Variants in ZNF804A observed in about 807,000 individuals in gnomAD.
ZNF804A encodes the protein zinc finger protein 804A.
Under a neutral mutation model 16.5 loss-of-function variants are expected in ZNF804A, and 2 were observed. That is an observed-to-expected ratio of 0.12 (90% confidence interval 0.05 to 0.38). The LOEUF is 0.38. Among genes scored for constraint, ZNF804A ranks in the 10% least tolerant of loss-of-function variants. The pLI, the probability that ZNF804A is intolerant of heterozygous loss-of-function variation, is 0.99. For synonymous variants in ZNF804A, 534 were observed against 489.6 expected (o/e 1.09, Z -1.20); for missense variants, 1,473 against 1,390.7 (o/e 1.06, Z -0.94).
At chr2:184,772,319 T>C (rs931012488) in intron 1 of ZNF804A, among the ~76,000 whole-genome samples, 18 of 151,690 alleles carry the variant, frequency 1.2e-4, no homozygotes, top group African/African-American at 3.9e-4. Flanking sequence ...TCCAGCCTTA[T>C]GCAACAAATG....
chr2:184,936,761 T>C lies in ZNF804A; in HGVS notation c.1365T>C (p.Tyr455=), dbSNP rs766108855. The stretch of plus-strand genomic sequence containing the variant: ...CAACTACGAAACCATCAATTTCCTA[T>C]AGCTGTAATCCTCTATGTTTTGACT... ...VYTTTKPSIS[Y]SCNPLCFDFK... is the part of the protein sequence containing the mutation. Residue 455 remains tyrosine, a synonymous_variant, in exon 4 of 4, where the codon TAT becomes TAC. Transcript: ENST00000302277. 1.9e-6 allele frequency: 3 copies of C among 1,613,766 alleles called. No homozygotes were observed. The highest frequency in any genetic ancestry group is 2.5e-6 in the Non-Finnish European group (3 of 1,179,904).
chr2:184,677,464 T>C (rs987805596), intron 1 of ZNF804A, among the ~76,000 whole-genome samples: 3 of 151,956 alleles, frequency 2.0e-5, no homozygotes, highest in African/African-American at 7.2e-5. Context: ...TCATCTGAGA[T>C]AGAACAGATC....
At chr2:184,639,325 C>T (rs1004577936) in intron 1 of ZNF804A, among the ~76,000 whole-genome samples, 11 of 151,944 alleles carry the variant, frequency 7.2e-5, no homozygotes, top group Non-Finnish European at 1.0e-4. Context: ...CCACCCGCCT[C>T]GGCCTCCCAA....
At chr2:184,851,084 T>C (rs1351669514) in intron 1 of ZNF804A, among the ~76,000 whole-genome samples, 1 of 151,852 alleles carries the variant, frequency 6.6e-6, no homozygotes, top group Non-Finnish European at 1.5e-5. Flanking sequence ...CTTTTATGTA[T>C]TTACCATGAA....
intron 1 of ZNF804A, among the ~76,000 whole-genome samples, chr2:184,839,868 T>C (rs2076113959): frequency 6.6e-6 from 1 of 152,140 alleles, no homozygotes; most frequent in Non-Finnish European, 1.5e-5. Context: ...ATAAATCTCT[T>C]TTAAAGGTGG....
rs188478557 is a variant in ZNF804A at position 184,910,920 on chromosome 2, C to A, written c.256-22683C>A. On this transcript the variant is annotated intron_variant, in intron 2 of 3. Coordinates refer to ENST00000302277, the MANE Select transcript of ZNF804A (RefSeq NM_194250.2). ...TTTGTAAATATTTTCTCCCATTCTG[C>A]AGGTTCTCTGCTTACTTTTGTTGAT... 2.6e-3 allele frequency among the ~76,000 whole-genome samples: 395 copies of A among 152,070 alleles called. 3 individuals carry two copies. Among genetic ancestry groups the A allele is most frequent in the Non-Finnish European group, 4.3e-3 (294 of 67,882 alleles).
chr2:184,676,014 T>C (rs552013945), intron 1 of ZNF804A, among the ~76,000 whole-genome samples: 2 of 151,862 alleles, frequency 1.3e-5, no homozygotes, highest in South Asian at 4.1e-4. Flanking sequence ...AGAGGGATAA[T>C]ATGTATATTT....
At chr2:184,880,802 G>A (rs1290137679) in intron 2 of ZNF804A, among the ~76,000 whole-genome samples, 3 of 152,088 alleles carry the variant, frequency 2.0e-5, no homozygotes, top group Non-Finnish European at 4.4e-5. Context: ...GACAGAGCAA[G>A]AGGGTGCCCA....
At chr2:184,868,436 G>A (rs1695914395) in intron 2 of ZNF804A, among the ~76,000 whole-genome samples, 1 of 151,936 alleles carries the variant, frequency 6.6e-6, no homozygotes, top group Admixed American at 6.6e-5. Flanking sequence ...TGAAGTAGAG[G>A]GGGAAACAGA....
At chr2:184,824,138 T>C (rs1256406451) in intron 1 of ZNF804A, among the ~76,000 whole-genome samples, 1 of 152,134 alleles carries the variant, frequency 6.6e-6, no homozygotes, top group Admixed American at 6.6e-5. Flanking sequence ...AAACTTCTAG[T>C]AGCCTATAAC....
chr2:184,635,740 T>G (rs896637797), intron 1 of ZNF804A, among the ~76,000 whole-genome samples: 1 of 152,110 alleles, frequency 6.6e-6, no homozygotes, highest in South Asian at 2.1e-4. Flanking sequence ...CACATCGTGA[T>G]TAGGGTGTCA....
At chr2:184,777,506 T>A (rs756973129) in intron 1 of ZNF804A, among the ~76,000 whole-genome samples, 1 of 151,702 alleles carries the variant, frequency 6.6e-6, no homozygotes, top group East Asian at 1.9e-4. Flanking sequence ...CCTTCACTTC[T>A]ATCTTTACCT....
At chr2:184,725,932 A>C (rs1286544861) in intron 1 of ZNF804A, among the ~76,000 whole-genome samples, 2 of 151,616 alleles carry the variant, frequency 1.3e-5, no homozygotes, top group South Asian at 4.1e-4. Context: ...GATGTTCCTG[A>C]GATACATTTA....
chr2:184,772,819 T>G (rs1299556638), intron 1 of ZNF804A, among the ~76,000 whole-genome samples: 1 of 151,506 alleles, frequency 6.6e-6, no homozygotes, highest in Non-Finnish European at 1.5e-5. Context: ...TCTGTCTTTT[T>G]TGTAATAGAC....
chr2:184,857,725 T>A (rs993295612), intron 1 of ZNF804A, among the ~76,000 whole-genome samples: 1 of 152,204 alleles, frequency 6.6e-6, no homozygotes, highest in Non-Finnish European at 1.5e-5. Context: ...ATAATGACCT[T>A]TTAATCTTTT....
At position 184,732,117 on chromosome 2, in the gene ZNF804A, A is replaced by T. The variant is rs919741316; in HGVS notation, c.111+133047A>T. ...GTTTTATTTGGTGTTATGTCCAAAA[A>T]TATCTTGCCAAACTCATCATCTAAG... On this transcript the variant is annotated intron_variant, in intron 1 of 3. Coordinates refer to ENST00000302277, the MANE Select transcript of ZNF804A (RefSeq NM_194250.2). Among the ~76,000 whole-genome samples the T allele has an allele frequency of 7.2e-5, 11 of 152,246 alleles. No homozygotes were observed. The East Asian group carries it at 2.1e-3, about 29-fold the overall frequency.
intron 1 of ZNF804A, among the ~76,000 whole-genome samples, chr2:184,734,558 T>G (rs754865676): frequency 1.3e-5 from 2 of 152,210 alleles, no homozygotes; most frequent in Non-Finnish European, 1.5e-5. Context: ...TATTTTATGA[T>G]TTGTTGAAGT....
intron 1 of ZNF804A, among the ~76,000 whole-genome samples, chr2:184,762,916 G>C (rs772693424): frequency 2.2e-4 from 34 of 152,030 alleles, no homozygotes; most frequent in Non-Finnish European, 3.2e-4. Flanking sequence ...GACATTCCAA[G>C]CATACTCCTT....
intron 1 of ZNF804A, among the ~76,000 whole-genome samples, chr2:184,651,879 T>C (rs1691989492): frequency 6.6e-6 from 1 of 152,122 alleles, no homozygotes; most frequent in African/African-American, 2.4e-5. Flanking sequence ...GAAAGCAGTT[T>C]AGAGGTTTCT....
Sources: gnomAD v4.1 joint callset for allele counts (sites outside exome capture counted in the v4.1 genomes callset) on GRCh38, gnomAD v4.1.1 for gene constraint, MANE v1.5 for transcripts, NCBI Gene and HGNC (gene_info 2026-07-23, HGNC 2026-07-21) for gene names.